CCDC3: variants seen among roughly 807,000 people sequenced by gnomAD.
CCDC3 encodes coiled-coil domain-containing protein 3.
CCDC3 carries 24 observed loss-of-function variants against 21.4 expected under a neutral mutation model. The observed-to-expected ratio is 1.12, with a 90% CI of 0.81 to 1.58. The LOEUF (loss-of-function observed/expected upper bound fraction) is 1.58, where lower values mean the gene tolerates loss of function less well. Ranked by LOEUF, CCDC3 falls within the 40% of genes most tolerant of loss-of-function variation. The probability of loss-of-function intolerance (pLI) is 0.00; values close to 1 mark genes in which losing one functional copy is unlikely to be tolerated. For missense variants in CCDC3, 425 were observed against 360.9 expected, an observed-to-expected ratio of 1.18 and a Z score of -1.44; for synonymous variants, 186 against 166.0, an observed-to-expected ratio of 1.12 and a Z score of -0.93.
At chr10:13,046,325 G>A (rs1321178968) in intron 5 of CCDC3, among the ~76,000 whole-genome samples, 2 of 151,736 alleles carry the variant, frequency 1.3e-5, no homozygotes, top group Non-Finnish European at 2.9e-5. Flanking sequence ...AGCATCCCTT[G>A]AGCCCAGGAG....
intron 2 of CCDC3, among the ~76,000 whole-genome samples, chr10:12,926,583 G>A (rs1834543848): frequency 6.6e-6 from 1 of 152,094 alleles, no homozygotes; most frequent in South Asian, 2.1e-4. Flanking sequence ...TAAGAGATGG[G>A]ACAAATACAA....
intron 2 of CCDC3, among the ~76,000 whole-genome samples, chr10:12,984,816 G>A (rs1192591234): frequency 6.6e-6 from 1 of 152,178 alleles, no homozygotes; most frequent in East Asian, 1.9e-4. Flanking sequence ...ACACAATAGT[G>A]TAAGATTTTC....
chr10:12,968,500 A>AG (rs1835294477), intron 2 of CCDC3, among the ~76,000 whole-genome samples: 1 of 152,258 alleles, frequency 6.6e-6, no homozygotes, highest in Non-Finnish European at 1.5e-5. Flanking sequence ...GAGTTCTTCA[A>AG]GCTGAAAGAA....
chr10:13,034,525 T>TA (rs34324335), intron 5 of CCDC3, among the ~76,000 whole-genome samples: 52,706 of 142,544 alleles, frequency 0.37, 9,997 homozygotes, highest in East Asian at 0.69. Context: ...GCCTAGATCT[T>TA]AAAAAAAAAA....
In CCDC3 at chr10:13,025,837, G is replaced by GCA. The variant is rs1465390489; in HGVS notation, c.-2+23836_-2+23837insTG. ...AGACGTTGCTGGTCCCTGGAAATAA[G>GCA]AGCATCATAATAGCACCAAATATCA... On this transcript the variant is annotated intron_variant, in intron 5 of 6. Coordinates refer to the CCDC3 transcript ENST00000378839. 2.6e-5 allele frequency among the ~76,000 whole-genome samples: 4 copies of GCA among 152,310 alleles called. No individual in the cohort carries two copies. In the East Asian group the frequency reaches 7.7e-4, roughly 29 times the overall value.
chr10:12,969,729 T>C (rs533137499), intron 2 of CCDC3, among the ~76,000 whole-genome samples: 1 of 149,220 alleles, frequency 6.7e-6, no homozygotes, highest in Non-Finnish European at 1.5e-5. Flanking sequence ...TAATATTTAA[T>C]ATTCTAATAT....
At chr10:12,997,242 G>A (rs1835775317) in intron 2 of CCDC3, among the ~76,000 whole-genome samples, 1 of 144,504 alleles carries the variant, frequency 6.9e-6, no homozygotes, top group Non-Finnish European at 1.5e-5. Context: ...TTCGTTAATG[G>A]AAAAAAAAAA....
chr10:13,078,287 A>G (rs1836990350), intron 3 of CCDC3, among the ~76,000 whole-genome samples: 2 of 152,226 alleles, frequency 1.3e-5, no homozygotes. Context: ...CATCAGAGAA[A>G]TGCAAATCAA....
At chr10:12,945,660 A>G (rs1341707229) in intron 2 of CCDC3, among the ~76,000 whole-genome samples, 1 of 152,200 alleles carries the variant, frequency 6.6e-6, no homozygotes, top group Non-Finnish European at 1.5e-5. Context: ...AAGATAGGGT[A>G]AAAGGTTTTT....
intron 2 of CCDC3, among the ~76,000 whole-genome samples, chr10:12,983,064 G>T (rs9664619): frequency 0.36 from 51,747 of 145,126 alleles, 9,950 homozygotes; most frequent in South Asian, 0.43. Context: ...GTGAGCCAAG[G>T]TCATGCCACT....
chr10:12,966,475 C>T (rs547435072), intron 2 of CCDC3, among the ~76,000 whole-genome samples: 1 of 152,256 alleles, frequency 6.6e-6, no homozygotes, highest in South Asian at 2.1e-4. Flanking sequence ...ACTCTGATTC[C>T]TGTACTTGCA....
intron 2 of CCDC3, among the ~76,000 whole-genome samples, chr10:12,977,947 A>G (rs918315734): frequency 2.6e-5 from 4 of 152,206 alleles, no homozygotes; most frequent in African/African-American, 9.6e-5. Flanking sequence ...TGGATGGCGT[A>G]CAGATGGTGT....
chr10:13,084,953 G>C (rs1226149825), intron 3 of CCDC3, among the ~76,000 whole-genome samples: 1 of 152,188 alleles, frequency 6.6e-6, no homozygotes, highest in Non-Finnish European at 1.5e-5. Context: ...CCAAGCCTTT[G>C]TCAGTCACAT....
intron 5 of CCDC3, among the ~76,000 whole-genome samples, chr10:13,042,976 A>G (rs186690542): frequency 6.0e-4 from 91 of 152,156 alleles, no homozygotes; most frequent in African/African-American, 2.1e-3. Context: ...TTAAGTTAAC[A>G]TCTCAAATGT....
At chr10:12,958,484 C>A (rs1835128711) in intron 2 of CCDC3, among the ~76,000 whole-genome samples, 1 of 152,196 alleles carries the variant, frequency 6.6e-6, no homozygotes, top group Non-Finnish European at 1.5e-5. Context: ...GGTACCATTT[C>A]AAAGCCAAAC....
chr10:12,914,727 C>T (rs1457310563), intron 2 of CCDC3, among the ~76,000 whole-genome samples: 3 of 152,184 alleles, frequency 2.0e-5, no homozygotes, highest in Admixed American at 6.5e-5. Flanking sequence ...TACAGGTGTG[C>T]GTGAGCCACC....
chr10:12,898,161 A>C lies in CCDC3; in HGVS notation c.*255T>G. The C allele has an allele frequency of 1.9e-6, 1 of 516,084 alleles. No homozygotes were observed. The highest frequency in any genetic ancestry group is 3.4e-6 in the Non-Finnish European group (1 of 291,872). The allele number at this position is 516,084 out of a possible 1,614,324, so 32.0% of individuals were successfully genotyped here. A position where few individuals can be genotyped will look rare whatever the true frequency, so the allele number is the denominator to read the frequency against. ...CTCTGCAGGCGAGCATTCAGCACTC[A>C]GGGATCCCACTGCCTCTGGACTGCC... On this transcript the variant is annotated 3_prime_UTR_variant, in exon 3 of 3. Coordinates refer to ENST00000378825, the MANE Select transcript of CCDC3 (RefSeq NM_031455.4).
At chr10:12,966,548 G>T (rs1362404016) in intron 2 of CCDC3, among the ~76,000 whole-genome samples, 1 of 152,152 alleles carries the variant, frequency 6.6e-6, no homozygotes, top group East Asian at 1.9e-4. Context: ...GCCACAGGGA[G>T]TTCCCAGTCC....
chr10:13,090,564 G>A (rs969830268), intron 3 of CCDC3, among the ~76,000 whole-genome samples: 3 of 152,262 alleles, frequency 2.0e-5, no homozygotes, highest in South Asian at 2.1e-4. Flanking sequence ...CCAAATAGGT[G>A]TGGACCTCTT....
Sources: allele counts gnomAD v4.1 joint callset (sites outside exome capture counted in the v4.1 genomes callset), GRCh38; gene constraint gnomAD v4.1.1; transcripts MANE v1.5; gene names NCBI Gene and HGNC (gene_info 2026-07-23, HGNC 2026-07-21).